Variants in AKT3 observed in about 807,000 individuals in gnomAD.
The protein encoded by AKT3 is AKT serine/threonine kinase 3, also known as RAC-gamma serine/threonine-protein kinase.
In AKT3, 15 loss-of-function variants were observed where a neutral mutation model predicts 65.3. The observed-to-expected ratio is 0.23, with a 90% CI of 0.15 to 0.35. The LOEUF (loss-of-function observed/expected upper bound fraction) is 0.35. Ranked by LOEUF, AKT3 falls within the 10% of genes least tolerant of loss-of-function variation. The probability of loss-of-function intolerance (pLI) is 1.00; values close to 1 mark genes in which losing one functional copy is unlikely to be tolerated. For synonymous variants in AKT3, 206 were observed against 183.8 expected (o/e 1.12, Z -0.98); for missense variants, 243 against 576.5 (o/e 0.42, Z 5.92).
chr1:243,647,188 A>G (rs1040732487), intron 4 of AKT3, among the ~76,000 whole-genome samples: 11 of 152,228 alleles, frequency 7.2e-5, no homozygotes, highest in African/African-American at 2.7e-4. Flanking sequence ...CCTACATACA[A>G]TCATGCACCA....
chr1:243,527,020 G>A (rs187137155), intron 12 of AKT3, among the ~76,000 whole-genome samples: 13 of 151,960 alleles, frequency 8.6e-5, no homozygotes, highest in Admixed American at 1.3e-4. Context: ...CAGCAAATAC[G>A]TAAGAAAATA....
chr1:243,658,864 CA>C (rs58117921), intron 4 of AKT3, among the ~76,000 whole-genome samples: 53,713 of 82,874 alleles, frequency 0.65, 14,810 homozygotes, highest in Middle Eastern at 0.75. Flanking sequence ...CTTGTCTCTA[CA>C]AAAAAAAAAA....
At chr1:243,756,391 C>T (rs1476670544) in intron 2 of AKT3, among the ~76,000 whole-genome samples, 1 of 152,138 alleles carries the variant, frequency 6.6e-6, no homozygotes, top group Admixed American at 6.5e-5. Context: ...GACCATCTTA[C>T]TGTGCCAGAG....
chr1:243,497,364 G>C (rs540341699), downstream of AKT3, among the ~76,000 whole-genome samples: 69 of 148,858 alleles, frequency 4.6e-4, no homozygotes, highest in Non-Finnish European at 8.8e-4. Flanking sequence ...AGCAGTGAAC[G>C]GTAAGTTCAA....
chr1:243,694,448 C>T (rs959903644), intron 3 of AKT3, among the ~76,000 whole-genome samples: 1 of 151,796 alleles, frequency 6.6e-6, no homozygotes, highest in African/African-American at 2.4e-5. Flanking sequence ...AGATGTTTTC[C>T]TTAACTAACA....
At chr1:243,732,251 T>A (rs1687610286) in intron 2 of AKT3, among the ~76,000 whole-genome samples, 1 of 152,120 alleles carries the variant, frequency 6.6e-6, no homozygotes, top group East Asian at 1.9e-4. Flanking sequence ...AGCTAAGATG[T>A]TCCCCAGACC....
Position 243,613,651 on chromosome 1 carries a change from G to A in AKT3, c.696+20C>T, listed in dbSNP as rs564945117. The A allele has an allele frequency of 1.9e-6, 3 of 1,549,970 alleles. No individual in the cohort carries two copies. The African/African-American group carries it at 4.1e-5, about 21-fold the overall frequency. ...ATGAAAATACTACCATGCAAATACTGGATTTACTTCTTGACTCACCTCGCC... is the reference window on the plus strand; with the variant it reads ...ATGAAAATACTACCATGCAAATACTAGATTTACTTCTTGACTCACCTCGCC... On this transcript the variant is annotated intron_variant, in intron 8 of 13. Coordinates refer to ENST00000673466, the MANE Select transcript of AKT3 (RefSeq NM_005465.7).
At chr1:243,703,995 C>T (rs1685638064) in intron 2 of AKT3, among the ~76,000 whole-genome samples, 1 of 151,992 alleles carries the variant, frequency 6.6e-6, no homozygotes, top group African/African-American at 2.4e-5. Context: ...AGTCTTGAAA[C>T]ATGTTCTTTC....
At chr1:243,682,792 C>G (rs1433815856) in intron 3 of AKT3, among the ~76,000 whole-genome samples, 1 of 152,144 alleles carries the variant, frequency 6.6e-6, no homozygotes, top group African/African-American at 2.4e-5. Flanking sequence ...TAATGCTATT[C>G]TTGTTACCTG....
At chr1:243,565,411 G>A (rs1277758960) in intron 9 of AKT3, among the ~76,000 whole-genome samples, 1 of 152,058 alleles carries the variant, frequency 6.6e-6, no homozygotes, top group Non-Finnish European at 1.5e-5. Flanking sequence ...TTTTTATAGT[G>A]ACAAGGTCTC....
intron 2 of AKT3, among the ~76,000 whole-genome samples, chr1:243,697,175 C>T (rs2148029992): frequency 6.6e-6 from 1 of 151,988 alleles, no homozygotes; most frequent in South Asian, 2.1e-4. Flanking sequence ...AAATTTATTA[C>T]ATATAACAAA....
rs534248526 is a variant in AKT3 at position 243,615,449 on chromosome 1, G to T, written c.562-288C>A. On this transcript the variant is annotated intron_variant, in intron 6 of 13. Transcript: ENST00000673466. Reference sequence around the variant, plus strand: ...CAGTCAGAAAATTATCAGGGACACAGAAAATTAAATATTGAGCTTTCCTCC... The same window carrying T: ...CAGTCAGAAAATTATCAGGGACACATAAAATTAAATATTGAGCTTTCCTCC... Among the ~76,000 whole-genome samples the T allele has an allele frequency of 2.0e-5, 3 of 152,156 alleles. No individual in the cohort carries two copies. In the South Asian group the frequency reaches 6.2e-4, roughly 32 times the overall value.
intron 2 of AKT3, among the ~76,000 whole-genome samples, chr1:243,700,950 T>G (rs950039106): frequency 6.6e-6 from 1 of 152,202 alleles, no homozygotes; most frequent in Non-Finnish European, 1.5e-5. Context: ...CACCAAAAAG[T>G]TGACAGTGTT....
chr1:243,850,733 C>G (rs1695749118), upstream of AKT3, among the ~76,000 whole-genome samples: 1 of 151,864 alleles, frequency 6.6e-6, no homozygotes, highest in Non-Finnish European at 1.5e-5. Context: ...GCCCGGCCCT[C>G]GTCCTCAGGC....
chr1:243,516,852 T>C (rs1670391106), intron 12 of AKT3, among the ~76,000 whole-genome samples: 1 of 152,210 alleles, frequency 6.6e-6, no homozygotes, highest in Non-Finnish European at 1.5e-5. Context: ...CCTTCAAAAG[T>C]ACTGAGATTA....
intron 8 of AKT3, among the ~76,000 whole-genome samples, chr1:243,593,206 C>G (rs900154834): frequency 6.6e-6 from 1 of 152,098 alleles, no homozygotes; most frequent in Admixed American, 6.5e-5. Context: ...CAAAACCAGA[C>G]AGAACTATTA....
At chr1:243,705,547 T>G (rs1685743976) in intron 2 of AKT3, among the ~76,000 whole-genome samples, 1 of 152,164 alleles carries the variant, frequency 6.6e-6, no homozygotes, top group Non-Finnish European at 1.5e-5. Flanking sequence ...AATTATTCTC[T>G]TAAACACAAT....
intron 6 of AKT3, chr1:243,625,124 GTTTTTTTT>G (rs67561828): frequency 1.9e-4 from 14 of 75,352 alleles, no homozygotes; most frequent in Admixed American, 5.5e-4. Flanking sequence ...TGCAGTTTGT[GTTTTTTTT>G]TTTTTTTTTT....
intron 2 of AKT3, among the ~76,000 whole-genome samples, chr1:243,791,365 C>T (rs1271355305): frequency 6.6e-6 from 1 of 151,622 alleles, no homozygotes; most frequent in Non-Finnish European, 1.5e-5. Context: ...GTATGAGAGG[C>T]GAACTGCATA....
Sources: gnomAD v4.1 joint callset for allele counts (sites outside exome capture counted in the v4.1 genomes callset) on GRCh38, gnomAD v4.1.1 for gene constraint, MANE v1.5 for transcripts, NCBI Gene and HGNC (gene_info 2026-07-23, HGNC 2026-07-21) for gene names.